Variants in PLS1 observed in about 807,000 individuals in gnomAD.
PLS1 encodes plastin-1.
PLS1 carries 32 observed loss-of-function variants against 73.7 expected under a neutral mutation model. The ratio of observed to expected loss-of-function variants is 0.43; its 90% CI spans 0.33 to 0.58. The LOEUF (loss-of-function observed/expected upper bound fraction) is 0.58, where lower values mean the gene tolerates loss of function less well. PLS1 is among the 20% of genes least tolerant of loss of function. The probability of loss-of-function intolerance (pLI) is 0.04; values close to 1 mark genes in which losing one functional copy is unlikely to be tolerated. For missense variants in PLS1, 633 were observed against 740.5 expected, an observed-to-expected ratio of 0.85 and a Z score of 1.68; for synonymous variants, 217 against 261.3, an observed-to-expected ratio of 0.83 and a Z score of 1.63.
chr3:142,683,232 C>T (rs562063175), intron 6 of PLS1, among the ~76,000 whole-genome samples: 16 of 152,266 alleles, frequency 1.1e-4, no homozygotes, highest in African/African-American at 2.2e-4. Context: ...GGGCCAGGTG[C>T]GGTGGCTCAC....
chr3:142,672,544 C>T (rs924594776), intron 4 of PLS1, among the ~76,000 whole-genome samples: 5 of 151,934 alleles, frequency 3.3e-5, no homozygotes, highest in South Asian at 2.1e-4. Flanking sequence ...AGGGTTTCAC[C>T]GTGTTAGCCA....
intron 1 of PLS1, among the ~76,000 whole-genome samples, chr3:142,607,300 A>C (rs953446408): frequency 5.9e-5 from 9 of 152,078 alleles, no homozygotes; most frequent in African/African-American, 2.2e-4. Flanking sequence ...ATATTTTTTG[A>C]GACGGAGTCT....
At position 142,713,552 on chromosome 3, in the gene PLS1, A is replaced by G. The variant is rs1933232718; in HGVS notation, c.*1545A>G. On this transcript the variant is annotated 3_prime_UTR_variant, in exon 16 of 16. Transcript: ENST00000457734. ...ATTATTTAAATTATGTTTCCCTCTG[A>G]TTTTTTTTCACCATTGTATTTACTA... The G allele has an allele frequency of 6.6e-6, 1 of 151,894 alleles. No individual in the cohort carries two copies. 9.4% of individuals were successfully genotyped at this position (151,894 alleles called of 1,614,324 possible).
intron 1 of PLS1, among the ~76,000 whole-genome samples, chr3:142,634,163 A>G (rs1162106720): frequency 1.3e-5 from 2 of 152,196 alleles, no homozygotes; most frequent in Non-Finnish European, 2.9e-5. Flanking sequence ...AAAATACTTA[A>G]AATAGCAGTA....
chr3:142,636,453 C>T (rs1301031465), intron 1 of PLS1, among the ~76,000 whole-genome samples: 1 of 152,118 alleles, frequency 6.6e-6, no homozygotes, highest in Non-Finnish European at 1.5e-5. Flanking sequence ...GATTGTAGAC[C>T]TGAATATCAC....
chr3:142,651,462 C>CAAA (rs57909380), intron 1 of PLS1, among the ~76,000 whole-genome samples: 44 of 102,282 alleles, frequency 4.3e-4, no homozygotes, highest in African/African-American at 1.4e-3. Context: ...AACTCTGTCT[C>CAAA]AAAAAAAAAA....
rs554321717 is a variant in PLS1 at position 142,702,368 on chromosome 3, A to G, written c.1372-1500A>G. 1.2e-4 allele frequency among the ~76,000 whole-genome samples: 19 copies of G among 152,328 alleles called. No homozygotes were observed. The South Asian group carries it at 3.7e-3, about 30-fold the overall frequency. On this transcript the variant is annotated intron_variant, in intron 12 of 15. Transcript: ENST00000457734. ...GGGAATTTGGATTCTCTTTTTTAAG[A>G]ACAATAACCATATATTTGTACAAAT...
chr3:142,613,617 T>C (rs1466439997), intron 1 of PLS1, among the ~76,000 whole-genome samples: 1 of 152,236 alleles, frequency 6.6e-6, no homozygotes, highest in Non-Finnish European at 1.5e-5. Context: ...ACTAATCTAA[T>C]CTTGTGGGCA....
intron 10 of PLS1, among the ~76,000 whole-genome samples, chr3:142,694,076 C>A (rs1446203601): frequency 6.6e-6 from 1 of 151,792 alleles, no homozygotes; most frequent in Non-Finnish European, 1.5e-5. Context: ...TATAACTTTT[C>A]TATTTGTGTT....
At chr3:142,667,241 C>T (rs923108264) in intron 2 of PLS1, among the ~76,000 whole-genome samples, 1 of 152,068 alleles carries the variant, frequency 6.6e-6, no homozygotes, top group Non-Finnish European at 1.5e-5. Context: ...ATGGTAAAAC[C>T]CCATCTGTAC....
rs1402573284 is a variant in PLS1 at position 142,635,348 on chromosome 3, A to C, written c.-36-28854A>C. 2.0e-5 allele frequency among the ~76,000 whole-genome samples: 3 copies of C among 152,114 alleles called. No homozygotes were observed. In the East Asian group the frequency reaches 5.8e-4, roughly 29 times the overall value. ...AAAAAACTTAACCTTATCGATAATC[A>C]CATTAAAGATTAATTGTCTACATAT... On this transcript the variant is annotated intron_variant, in intron 1 of 15. Coordinates refer to ENST00000457734, the MANE Select transcript of PLS1 (RefSeq NM_001145319.2).
chr3:142,661,012 C>A (rs2037359805), intron 1 of PLS1, among the ~76,000 whole-genome samples: 1 of 151,988 alleles, frequency 6.6e-6, no homozygotes, highest in Non-Finnish European at 1.5e-5. Flanking sequence ...TAAAATTGGG[C>A]CCCTATTTTT....
rs562457269 is a variant in PLS1, at chr3:142,637,874, A to C, written c.-36-26328A>C. Among the ~76,000 whole-genome samples, 920 of 146,406 alleles carry C rather than the reference A, an allele frequency of 6.3e-3. 12 individuals are homozygous for C. Among genetic ancestry groups the C allele is most frequent in the African/African-American group, 0.015 (608 of 39,978 alleles). On this transcript the variant is annotated intron_variant, in intron 1 of 15. Coordinates refer to ENST00000457734, the MANE Select transcript of PLS1 (RefSeq NM_001145319.2). ...GCCCCCCCGCCCCCTCTCTCTCTCT[A>C]TATATATATGAGATTTAGAGCTGCT...
At chr3:142,709,684 G>A (rs993504629) in intron 14 of PLS1, among the ~76,000 whole-genome samples, 34 of 152,036 alleles carry the variant, frequency 2.2e-4, no homozygotes, top group Admixed American at 3.3e-4. Flanking sequence ...GGGTGTGGTG[G>A]CCGGCGCCTG....
intron 1 of PLS1, among the ~76,000 whole-genome samples, chr3:142,616,952 C>A (rs2036226477): frequency 6.6e-6 from 1 of 152,100 alleles, no homozygotes; most frequent in African/African-American, 2.4e-5. Context: ...TCAGATTATT[C>A]AAATTGCTTT....
intron 4 of PLS1, among the ~76,000 whole-genome samples, chr3:142,674,142 G>GGT (rs1262778324): frequency 6.6e-6 from 1 of 151,928 alleles, no homozygotes; most frequent in Non-Finnish European, 1.5e-5. Flanking sequence ...TATTTCTGGT[G>GGT]GTGTGTGTAT....
intron 4 of PLS1, among the ~76,000 whole-genome samples, chr3:142,672,913 A>G (rs924624479): frequency 1.3e-5 from 2 of 152,060 alleles, no homozygotes; most frequent in Non-Finnish European, 2.9e-5. Flanking sequence ...ATTCATTATC[A>G]GTCACTCCCC....
rs937057367 is a variant in PLS1 at position 142,624,309 on chromosome 3, A to G, written c.-37+27800A>G. On this transcript the variant is annotated intron_variant, in intron 1 of 15. Coordinates refer to ENST00000457734, the MANE Select transcript of PLS1 (RefSeq NM_001145319.2). ...AGGGCCTGAAAGCTTTCAGAAAGATAATTTTCTTATAAATAGTGTACAAGT... is the reference window on the plus strand; with the variant it reads ...AGGGCCTGAAAGCTTTCAGAAAGATGATTTTCTTATAAATAGTGTACAAGT... 3.5e-4 allele frequency among the ~76,000 whole-genome samples: 54 copies of G among 152,170 alleles called. 1 individual carries two copies. Among genetic ancestry groups the G allele is most frequent in the Admixed American group, 2.6e-4 (4 of 15,262 alleles).
chr3:142,618,655 C>G (rs1244509103), intron 1 of PLS1, among the ~76,000 whole-genome samples: 3 of 152,166 alleles, frequency 2.0e-5, no homozygotes, highest in Non-Finnish European at 4.4e-5. Context: ...AGGCCACCTG[C>G]ATTCCTTGGC....
Sources: allele counts gnomAD v4.1 joint callset (sites outside exome capture counted in the v4.1 genomes callset), GRCh38; gene constraint gnomAD v4.1.1; transcripts MANE v1.5; gene names NCBI Gene and HGNC (gene_info 2026-07-23, HGNC 2026-07-21).